The following PRKN variants were observed in gnomAD, a reference collection of about 807,000 sequenced individuals.
The protein encoded by PRKN is parkin RBR E3 ubiquitin protein ligase, also known as E3 ubiquitin-protein ligase parkin.
In PRKN, 56 loss-of-function variants were observed where a neutral mutation model predicts 59.5. The ratio of observed to expected loss-of-function variants is 0.94; its 90% confidence interval spans 0.76 to 1.18. The LOEUF (loss-of-function observed/expected upper bound fraction) is 1.18. Among genes scored for constraint, PRKN ranks in the 50% most tolerant of loss-of-function variants. The pLI is 0.00. For synonymous variants in PRKN, 250 were observed against 222.1 expected (o/e 1.13, Z -1.12); for missense variants, 657 against 596.4 (o/e 1.10, Z -1.06).
In PRKN at chr6:161,484,320, C is replaced by T. The variant is rs539608654; in HGVS notation, c.1083+64534G>A. Among the ~76,000 whole-genome samples the T allele has an allele frequency of 5.6e-4, 85 of 152,210 alleles. No individual in the cohort carries two copies. The South Asian group carries it at 9.7e-3, about 17-fold the overall frequency. On this transcript the variant is annotated intron_variant, in intron 9 of 11. Transcript: ENST00000366898. This position sits in a 1 kb window ranked among gnomAD's most constrained non-coding sequence, Gnocchi z 4.9. Reference sequence around the variant, plus strand: ...CCAAAGTCCTCTTGGAATGCTGAGACGCACTGGAAACCTCTAGATGGGCCA... The same window carrying T: ...CCAAAGTCCTCTTGGAATGCTGAGATGCACTGGAAACCTCTAGATGGGCCA...
At chr6:161,646,580 C>T (rs934864266) in intron 7 of PRKN, among the ~76,000 whole-genome samples, 7 of 148,312 alleles carry the variant, frequency 4.7e-5, no homozygotes, top group African/African-American at 1.5e-4. Flanking sequence ...GTGGTGACTG[C>T]GTGTGCGTGC....
rs1051723622 is a variant in PRKN at position 161,462,029 on chromosome 6, C to A, written c.1084-75152G>T. Among the ~76,000 whole-genome samples, 2 of 152,028 alleles carry A rather than the reference C, an allele frequency of 1.3e-5. No individual in the cohort carries two copies. The highest frequency in any genetic ancestry group is 2.4e-5 in the African/African-American group (1 of 41,376). On this transcript the variant is annotated intron_variant, in intron 9 of 11. Transcript: ENST00000366898. This position sits in a 1 kb window ranked among gnomAD's most constrained non-coding sequence, Gnocchi z 4.5. The stretch of plus-strand genomic sequence containing the variant: ...GGATGGCAATGGTGGGGGAAGATGG[C>A]TGGAAAGGTGGGTGAGAAGGGCACC...
chr6:161,939,581 A>G (rs1779481875), intron 6 of PRKN, among the ~76,000 whole-genome samples: 1 of 151,214 alleles, frequency 6.6e-6, no homozygotes, highest in Non-Finnish European at 1.5e-5. Flanking sequence ...AAAATACAAA[A>G]ATTAGTCGGG....
At chr6:161,733,715 G>C (rs760914300) in intron 7 of PRKN, among the ~76,000 whole-genome samples, 6 of 148,544 alleles carry the variant, frequency 4.0e-5, no homozygotes, top group Admixed American at 1.3e-4. Context: ...AGTGACTTGG[G>C]GTCAGTGGAT....
chr6:161,823,799 G>A lies in PRKN; in HGVS notation c.735-37891C>T, dbSNP rs1393893873. 2.6e-5 allele frequency among the ~76,000 whole-genome samples: 4 copies of A among 152,242 alleles called. No individual in the cohort carries two copies. In the East Asian group the frequency reaches 5.8e-4, roughly 22 times the overall value. The stretch of plus-strand genomic sequence containing the variant: ...CTGCTGAAGCTGAAGCTTCAGGGCT[G>A]TTCACTTGCTTGGGCCTGTCAGGAG... On this transcript the variant is annotated intron_variant, in intron 6 of 11. Coordinates refer to ENST00000366898, the MANE Select transcript of PRKN (RefSeq NM_004562.3).
intron 4 of PRKN, among the ~76,000 whole-genome samples, chr6:162,137,749 T>TA (rs2128309823): frequency 6.6e-6 from 1 of 152,296 alleles, no homozygotes; most frequent in African/African-American, 2.4e-5. Flanking sequence ...ATAACAAACT[T>TA]ACTCTAGGAC....
intron 4 of PRKN, among the ~76,000 whole-genome samples, chr6:162,195,520 C>T (rs1192013190): frequency 6.6e-6 from 1 of 152,178 alleles, no homozygotes; most frequent in Non-Finnish European, 1.5e-5. Context: ...TGTGCCTAAT[C>T]TATAAACTAA....
At chr6:161,439,453 C>T (rs1035474061) in intron 9 of PRKN, among the ~76,000 whole-genome samples, 1 of 152,168 alleles carries the variant, frequency 6.6e-6, no homozygotes, top group Non-Finnish European at 1.5e-5. Flanking sequence ...TGCAAATAGG[C>T]CGGATAAATG....
At chr6:161,923,206 A>G (rs541427225) in intron 6 of PRKN, among the ~76,000 whole-genome samples, 32 of 152,344 alleles carry the variant, frequency 2.1e-4, no homozygotes, top group Non-Finnish European at 4.0e-4. Flanking sequence ...GTTGGGGGCC[A>G]GTGCCGGGGC....
intron 2 of PRKN, among the ~76,000 whole-genome samples, chr6:162,312,634 G>A (rs561745090): frequency 1.3e-5 from 2 of 152,216 alleles, no homozygotes; most frequent in Admixed American, 6.5e-5. Flanking sequence ...CCCAGACATC[G>A]AAGCAAGCAT....
In PRKN at chr6:161,407,421, C is replaced by T. The variant is rs1787328207; in HGVS notation, c.1084-20544G>A. Reference sequence around the variant, plus strand: ...AGGTAATTTAACAGGACTGAAATGCCTCCATTCTAAGATGACATTAATGGT... The same window carrying T: ...AGGTAATTTAACAGGACTGAAATGCTTCCATTCTAAGATGACATTAATGGT... On this transcript the variant is annotated intron_variant, in intron 9 of 11. Coordinates refer to ENST00000366898, the MANE Select transcript of PRKN (RefSeq NM_004562.3). The surrounding 1 kb of genome is among the most constrained non-coding windows in gnomAD (Gnocchi z 4.9). Among the ~76,000 whole-genome samples, 1 of 152,010 alleles carries T rather than the reference C, an allele frequency of 6.6e-6. No homozygotes were observed. Among genetic ancestry groups the T allele is most frequent in the Non-Finnish European group, 1.5e-5 (1 of 68,014 alleles).
chr6:161,823,700 T>G (rs1173503562), intron 6 of PRKN, among the ~76,000 whole-genome samples: 4 of 152,226 alleles, frequency 2.6e-5, no homozygotes, highest in African/African-American at 4.8e-5. Context: ...GTTTCATGAC[T>G]GCAGATGCAA....
Position 162,385,334 on chromosome 6 carries a change from T to C in PRKN, c.171+57976A>G, listed in dbSNP as rs538790849. 9.8e-5 allele frequency among the ~76,000 whole-genome samples: 15 copies of C among 152,310 alleles called. No individual in the cohort carries two copies. The South Asian group carries it at 2.9e-3, about 29-fold the overall frequency. On this transcript the variant is annotated intron_variant, in intron 2 of 11. Coordinates refer to ENST00000366898, the MANE Select transcript of PRKN (RefSeq NM_004562.3). ...AGCAAAAAGAGAACCATTTAACAGC[T>C]TTTATATTAGCTAGTCATTCCAGTA...
At chr6:161,812,229 T>G (rs1047649134) in intron 6 of PRKN, among the ~76,000 whole-genome samples, 1 of 151,696 alleles carries the variant, frequency 6.6e-6, no homozygotes, top group Non-Finnish European at 1.5e-5. Context: ...TCTAAAAGAA[T>G]AAAAATAAAA....
chr6:162,672,310 A>T (rs1202734364), intron 1 of PRKN, among the ~76,000 whole-genome samples: 1 of 152,188 alleles, frequency 6.6e-6, no homozygotes, highest in Non-Finnish European at 1.5e-5. Context: ...AAAAAACTTC[A>T]CTCAAAACTT....
At chr6:161,942,258 C>T (rs1447351225) in intron 6 of PRKN, among the ~76,000 whole-genome samples, 5 of 152,212 alleles carry the variant, frequency 3.3e-5, no homozygotes, top group South Asian at 2.1e-4. Context: ...TCAGGCTGGG[C>T]GCGGTGGCTC....
intron 2 of PRKN, among the ~76,000 whole-genome samples, chr6:162,313,335 T>C (rs1782607415): frequency 6.6e-6 from 1 of 152,262 alleles, no homozygotes; most frequent in South Asian, 2.1e-4. Context: ...TTGGCTACTC[T>C]AGGTAGTTCA....
chr6:162,533,173 A>G (rs2128197333), intron 1 of PRKN, among the ~76,000 whole-genome samples: 2 of 152,318 alleles, frequency 1.3e-5, no homozygotes, highest in South Asian at 4.1e-4. Context: ...AAGACTGAGC[A>G]CTCATGTTTT....
At chr6:162,326,467 C>A (rs1377188051) in intron 2 of PRKN, among the ~76,000 whole-genome samples, 1 of 152,086 alleles carries the variant, frequency 6.6e-6, no homozygotes, top group African/African-American at 2.4e-5. Flanking sequence ...ATTAGATGTG[C>A]TATAATCTCA....
Sources: allele counts gnomAD v4.1 joint callset (sites outside exome capture counted in the v4.1 genomes callset), GRCh38; gene constraint gnomAD v4.1.1; non-coding constraint Gnocchi (gnomAD v3.1); transcripts MANE v1.5; gene names NCBI Gene and HGNC (gene_info 2026-07-23, HGNC 2026-07-21).